TP63: variants seen among roughly 807,000 people sequenced by gnomAD.
TP63 encodes the protein tumor protein 63.
In TP63, 17 loss-of-function variants were observed where a neutral mutation model predicts 82.8. The ratio of observed to expected loss-of-function variants is 0.21; its 90% CI spans 0.14 to 0.31. The LOEUF (loss-of-function observed/expected upper bound fraction) is 0.31, where lower values mean the gene tolerates loss of function less well. Ranked by LOEUF, TP63 falls within the 10% of genes least tolerant of loss-of-function variation. TP63 has a pLI of 1.00. For missense variants in TP63, 648 were observed against 895.3 expected, an observed-to-expected ratio of 0.72 and a Z score of 3.52; for synonymous variants, 330 against 321.7, an observed-to-expected ratio of 1.03 and a Z score of -0.28.
intron 1 of TP63, among the ~76,000 whole-genome samples, chr3:189,732,906 A>G (rs566954609): frequency 2.6e-4 from 40 of 152,360 alleles, no homozygotes; most frequent in Admixed American, 2.3e-3. Flanking sequence ...ATGAAATAAA[A>G]GAACAAAATT....
intron 4 of TP63, among the ~76,000 whole-genome samples, chr3:189,836,022 G>A (rs1219039046): frequency 6.6e-6 from 1 of 151,636 alleles, no homozygotes; most frequent in Admixed American, 6.6e-5. Context: ...CTATCAATGG[G>A]TCTATCTTTG....
At chr3:189,761,758 A>G (rs772745349) in intron 3 of TP63, among the ~76,000 whole-genome samples, 1 of 152,204 alleles carries the variant, frequency 6.6e-6, no homozygotes, top group Non-Finnish European at 1.5e-5. Context: ...CATATCCGAG[A>G]CTGGGCAATT....
intron 1 of TP63, among the ~76,000 whole-genome samples, chr3:189,700,027 T>C (rs1717683933): frequency 6.6e-6 from 1 of 152,198 alleles, no homozygotes; most frequent in South Asian, 2.1e-4. Flanking sequence ...CTGACTGCAG[T>C]GCTGAGTGGG....
At chr3:189,738,407 C>G (rs182587493) in intron 2 of TP63, among the ~76,000 whole-genome samples, 59 of 152,270 alleles carry the variant, frequency 3.9e-4, no homozygotes, top group African/African-American at 1.3e-3. Context: ...CAGTAATTAT[C>G]TGAGGAGGGC....
At chr3:189,840,369 T>C (rs1349584367) in intron 4 of TP63, among the ~76,000 whole-genome samples, 29 of 146,636 alleles carry the variant, frequency 2.0e-4, no homozygotes, top group Non-Finnish European at 3.5e-4. Context: ...CTTTTTTTTT[T>C]TTTTTTTTTT....
intron 10 of TP63, among the ~76,000 whole-genome samples, chr3:189,875,777 T>A (rs546155414): frequency 6.6e-6 from 1 of 150,920 alleles, no homozygotes; most frequent in East Asian, 2.0e-4. Flanking sequence ...GCTAGAAAGT[T>A]ATTAAAAGAT....
At position 189,808,356 on chromosome 3, in the gene TP63, G is replaced by A. The variant is rs762935508; in HGVS notation, c.409G>A (p.Asp137Asn). The change falls in exon 4 of 14, where the codon GAC becomes AAC. Residue 137 changes from aspartate (D) to asparagine (N), a missense_variant. By Grantham distance (23) the Asp-to-Asn change is conservative (BLOSUM62 1). Around this residue, in one of 5 missense-constraint regions of TP63, gnomAD observed 182 missense variants for 213.6 expected, o/e 0.85. Coordinates refer to ENST00000264731, the MANE Select transcript of TP63 (RefSeq NM_003722.5). ...CTCGTCCACCAGTCCCTATAACACAGACCACGCGCAGAACAGCGTCACGGC... is the reference window on the plus strand; with the variant it reads ...CTCGTCCACCAGTCCCTATAACACAAACCACGCGCAGAACAGCGTCACGGC... ...GSSSTSPYNT[D>N]HAQNSVTAPS... 6.2e-7 allele frequency: 1 copy of A among 1,614,220 alleles called. No homozygotes were observed. The highest frequency in any genetic ancestry group is 8.5e-7 in the Non-Finnish European group (1 of 1,180,046).
At chr3:189,794,547 A>C (rs1725496829) in intron 3 of TP63, among the ~76,000 whole-genome samples, 1 of 152,072 alleles carries the variant, frequency 6.6e-6, no homozygotes, top group South Asian at 2.1e-4. Context: ...AAGGGGGGTG[A>C]GGAGTGAATG....
chr3:189,757,648 C>CA (rs1349775890), intron 3 of TP63, among the ~76,000 whole-genome samples: 1 of 151,874 alleles, frequency 6.6e-6, no homozygotes, highest in Non-Finnish European at 1.5e-5. Flanking sequence ...TTTGTTTTTC[C>CA]AAAAAATATG....
At chr3:189,612,059 C>T in the TP63 span, among the ~76,000 whole-genome samples, 5,733 of 152,186 alleles carry the variant, frequency 0.038, 122 homozygotes, top group Middle Eastern at 0.065. Flanking sequence ...GATATAGAAT[C>T]ATGTCATCTG....
intron 3 of TP63, among the ~76,000 whole-genome samples, chr3:189,761,840 C>CA (rs1434420840): frequency 1.3e-5 from 2 of 152,168 alleles, no homozygotes; most frequent in South Asian, 2.1e-4. Context: ...TGGCTGAAGG[C>CA]AAGGAGGAGC....
At chr3:189,807,425 C>T (rs1727033473) in intron 3 of TP63, among the ~76,000 whole-genome samples, 1 of 152,218 alleles carries the variant, frequency 6.6e-6, no homozygotes, top group East Asian at 1.9e-4. Context: ...AGTACTTTTA[C>T]TCTGTGCTTG....
chr3:189,762,976 A>G (rs143971791), intron 3 of TP63, among the ~76,000 whole-genome samples: 50 of 152,346 alleles, frequency 3.3e-4, no homozygotes, highest in African/African-American at 1.1e-3. Flanking sequence ...TTCTGTTATT[A>G]ACAAGGACTG....
At chr3:189,716,422 TAA>T (rs1718964300) in intron 1 of TP63, among the ~76,000 whole-genome samples, 1 of 151,896 alleles carries the variant, frequency 6.6e-6, no homozygotes, top group Admixed American at 6.6e-5. Context: ...GTGCTGAATT[TAA>T]TTTTAAAAAG....
chr3:189,859,501 C>G (rs1716739895), intron 4 of TP63, among the ~76,000 whole-genome samples: 1 of 151,762 alleles, frequency 6.6e-6, no homozygotes, highest in Non-Finnish European at 1.5e-5. Context: ...TAATTTAAAC[C>G]ACAATGAGAT....
At chr3:189,761,846 G>A (rs1211814483) in intron 3 of TP63, among the ~76,000 whole-genome samples, 4 of 152,194 alleles carry the variant, frequency 2.6e-5, no homozygotes, top group Non-Finnish European at 5.9e-5. Flanking sequence ...AAGGCAAGGA[G>A]GAGCAAGTCA....
At chr3:189,783,075 A>T (rs1432027153) in intron 3 of TP63, among the ~76,000 whole-genome samples, 2 of 151,984 alleles carry the variant, frequency 1.3e-5, no homozygotes, top group Non-Finnish European at 2.9e-5. Flanking sequence ...TTGCTGTATG[A>T]TTATAGCGGT....
chr3:189,697,231 C>A (rs9828137), intron 1 of TP63, among the ~76,000 whole-genome samples: 2 of 126,192 alleles, frequency 1.6e-5, no homozygotes, highest in Non-Finnish European at 1.6e-5. Context: ...TGTCTAGGTT[C>A]AGTTTTTTTT....
At chr3:189,680,515 A>G (rs1007608038) in intron 1 of TP63, among the ~76,000 whole-genome samples, 2 of 152,220 alleles carry the variant, frequency 1.3e-5, no homozygotes, top group East Asian at 1.9e-4. Flanking sequence ...CCTGGTGAAC[A>G]CAGACATAAA....
Sources: allele counts gnomAD v4.1 joint callset (sites outside exome capture counted in the v4.1 genomes callset), GRCh38; gene constraint gnomAD v4.1.1; regional missense constraint gnomAD v4.1.1; transcripts MANE v1.5; gene names NCBI Gene and HGNC (gene_info 2026-07-23, HGNC 2026-07-21).